The following ESRRG variants were observed in gnomAD, a reference collection of about 807,000 sequenced individuals.
ESRRG encodes estrogen related receptor gamma, also known as estrogen-related receptor gamma.
Under a neutral mutation model 44.0 loss-of-function variants are expected in ESRRG, and 13 were observed. The observed-to-expected ratio is 0.30, with a 90% confidence interval of 0.19 to 0.47. ESRRG has a LOEUF of 0.47. Among genes scored for constraint, ESRRG ranks in the 20% least tolerant of loss-of-function variants. The pLI is 1.00. For missense variants in ESRRG, 395 were observed against 580.6 expected, an observed-to-expected ratio of 0.68 and a Z score of 3.29; for synonymous variants, 215 against 214.6, an observed-to-expected ratio of 1.00 and a Z score of -0.02.
intron 5 of ESRRG, among the ~76,000 whole-genome samples, chr1:216,562,642 C>A (rs1381114210): frequency 6.6e-6 from 1 of 152,004 alleles, no homozygotes; most frequent in African/African-American, 2.4e-5. Flanking sequence ...AGGGCAGCCC[C>A]TCATGACAAT....
chr1:216,871,412 TG>T (rs2096257707), intron 2 of ESRRG, among the ~76,000 whole-genome samples: 1 of 152,056 alleles, frequency 6.6e-6, no homozygotes, highest in Non-Finnish European at 1.5e-5. Flanking sequence ...TCTTAATGAA[TG>T]TTCCATGCTC....
chr1:216,758,840 G>T (rs1473250909), intron 2 of ESRRG, among the ~76,000 whole-genome samples: 1 of 151,916 alleles, frequency 6.6e-6, no homozygotes, highest in African/African-American at 2.4e-5. Context: ...TTAATCACTA[G>T]TATCTTAATA....
chr1:216,693,135 A>G (rs1211149540), intron 1 of ESRRG, among the ~76,000 whole-genome samples: 1 of 152,224 alleles, frequency 6.6e-6, no homozygotes, highest in Non-Finnish European at 1.5e-5. Context: ...TTCATCAGTA[A>G]AAGTACAATT....
intron 1 of ESRRG, among the ~76,000 whole-genome samples, chr1:217,050,501 G>A (rs910152157): frequency 6.6e-6 from 1 of 152,130 alleles, no homozygotes; most frequent in Non-Finnish European, 1.5e-5. Context: ...GTTATTGGTG[G>A]AGAAGCCAAG....
intron 5 of ESRRG, among the ~76,000 whole-genome samples, chr1:216,535,100 A>T (rs2050546149): frequency 6.6e-6 from 1 of 152,098 alleles, no homozygotes; most frequent in African/African-American, 2.4e-5. Flanking sequence ...TAGGCAAAAG[A>T]ATGTAATATT....
chr1:216,734,076 C>A (rs1204192673), intron 2 of ESRRG, among the ~76,000 whole-genome samples: 1 of 151,304 alleles, frequency 6.6e-6, no homozygotes, highest in Non-Finnish European at 1.5e-5. Flanking sequence ...ATGGCCCTCT[C>A]CTCTGTGTCC....
At chr1:216,781,106 A>G (rs749202342) in intron 2 of ESRRG, among the ~76,000 whole-genome samples, 2 of 152,062 alleles carry the variant, frequency 1.3e-5, no homozygotes, top group Admixed American at 6.6e-5. Flanking sequence ...AATAAGAAAT[A>G]CACCTGGTTT....
At chr1:217,057,279 C>A (rs569054199) in intron 1 of ESRRG, among the ~76,000 whole-genome samples, 34 of 152,164 alleles carry the variant, frequency 2.2e-4, no homozygotes, top group African/African-American at 8.2e-4. Flanking sequence ...AGTTCTGTGA[C>A]GTTAGTGAGA....
At chr1:216,653,197 T>A (rs11572703) in intron 2 of ESRRG, among the ~76,000 whole-genome samples, 1 of 152,110 alleles carries the variant, frequency 6.6e-6, no homozygotes, top group African/African-American at 2.4e-5. Context: ...TGTATCCCCA[T>A]CCTTCACATC....
upstream of ESRRG, among the ~76,000 whole-genome samples, chr1:216,725,674 A>C (rs2087366709): frequency 6.6e-6 from 1 of 152,182 alleles, no homozygotes; most frequent in Non-Finnish European, 1.5e-5. Context: ...ATTCAATTGC[A>C]CATACTTTAA....
chr1:216,578,708 G>A (rs910087610), intron 3 of ESRRG, among the ~76,000 whole-genome samples: 2 of 152,072 alleles, frequency 1.3e-5, no homozygotes, highest in African/African-American at 4.8e-5. Flanking sequence ...CATGAGGAAA[G>A]TTAGCAAAGA....
At chr1:216,665,881 A>G (rs1314723119) in intron 2 of ESRRG, among the ~76,000 whole-genome samples, 1 of 152,206 alleles carries the variant, frequency 6.6e-6, no homozygotes, top group African/African-American at 2.4e-5. Flanking sequence ...CATTATCAGC[A>G]ACTTTAAAAG....
At chr1:216,892,579 G>C (rs1306250946) in intron 2 of ESRRG, among the ~76,000 whole-genome samples, 1 of 152,152 alleles carries the variant, frequency 6.6e-6, no homozygotes, top group Non-Finnish European at 1.5e-5. Flanking sequence ...GTGGATGTTG[G>C]GGGTTTGGAG....
intron 1 of ESRRG, among the ~76,000 whole-genome samples, chr1:216,708,936 A>G (rs2082992249): frequency 6.6e-6 from 1 of 152,138 alleles, no homozygotes; most frequent in African/African-American, 2.4e-5. Context: ...GAAGCTGGAA[A>G]CCATCATTCT....
intron 2 of ESRRG, among the ~76,000 whole-genome samples, chr1:216,917,782 T>C (rs2061371107): frequency 6.6e-6 from 1 of 152,228 alleles, no homozygotes; most frequent in African/African-American, 2.4e-5. Context: ...CTACAACACA[T>C]AGACAGATTG....
At chr1:216,936,613 C>T (rs2064191086) in intron 2 of ESRRG, 1 of 151,702 alleles carries the variant, frequency 6.6e-6, no homozygotes, top group South Asian at 2.1e-4. Context: ...TATGAACAAA[C>T]TTCATTAAAA....
Position 216,908,204 on chromosome 1 carries a change from C to G in ESRRG, c.-14+31378G>C, listed in dbSNP as rs942551431. Among the ~76,000 whole-genome samples, 4 of 152,286 alleles carry G rather than the reference C, an allele frequency of 2.6e-5. No individual in the cohort carries two copies. The East Asian group carries it at 7.7e-4, about 29-fold the overall frequency. ...CACAGTGGACTTGCTGGCAGAAACC[C>G]TGGGATGAGGTCTGCCCACTGTGTC... On this transcript the variant is annotated intron_variant, in intron 2 of 7. Coordinates refer to the ESRRG transcript ENST00000359162.
intron 1 of ESRRG, among the ~76,000 whole-genome samples, chr1:217,015,355 T>C (rs1366318754): frequency 6.6e-6 from 1 of 152,220 alleles, no homozygotes; most frequent in Non-Finnish European, 1.5e-5. Context: ...AAATTTCACC[T>C]TAATAATGTT....
intron 2 of ESRRG, among the ~76,000 whole-genome samples, chr1:216,908,202 C>A (rs11572520): frequency 1.3e-5 from 2 of 152,140 alleles, no homozygotes; most frequent in Non-Finnish European, 2.9e-5. Context: ...CTGGCAGAAA[C>A]CCTGGGATGA....
Sources: allele counts gnomAD v4.1 joint callset (sites outside exome capture counted in the v4.1 genomes callset), GRCh38; gene constraint gnomAD v4.1.1; transcripts MANE v1.5; gene names NCBI Gene and HGNC (gene_info 2026-07-23, HGNC 2026-07-21).